The following METTL6 variants were observed in gnomAD, a reference collection of about 807,000 sequenced individuals.
METTL6 encodes methyltransferase 6, tRNA N3-cytidine.
In METTL6, 22 loss-of-function variants were observed where a neutral mutation model predicts 26.4. The observed-to-expected ratio is 0.83, with a 90% CI of 0.59 to 1.19. METTL6 has a LOEUF of 1.19. METTL6 is among the 50% of genes most tolerant of loss of function. METTL6 has a pLI of 0.00. For missense variants in METTL6, 304 were observed against 324.8 expected, an observed-to-expected ratio of 0.94 and a Z score of 0.49; for synonymous variants, 109 against 116.2, an observed-to-expected ratio of 0.94 and a Z score of 0.40.
At position 15,427,501 on chromosome 3, in the gene METTL6, A is replaced by C. The variant is rs539896651; in HGVS notation, c.-224T>G. ...GGACCACGAATTCGGATTATCCGGG[A>C]GTTCTTTTGCCATGGCACCGCCCCC... On this transcript the variant is annotated 5_prime_UTR_variant, in exon 1 of 6. Transcript: ENST00000383790. The C allele has an allele frequency of 6.0e-6, 3 of 498,552 alleles. No individual in the cohort carries two copies. The highest frequency in any genetic ancestry group is 2.0e-5 in the African/African-American group (1 of 49,896). The allele number at this position is 498,552 out of a possible 1,614,324, so 30.9% of individuals were successfully genotyped here.
intron 6 of METTL6, among the ~76,000 whole-genome samples, chr3:15,389,849 AT>A (rs58728599): frequency 0.024 from 3,241 of 132,942 alleles, 99 homozygotes; most frequent in African/African-American, 0.08. Flanking sequence ...CGCCCGGCCA[AT>A]TTTTTTTTTT....
In METTL6 at chr3:15,414,086, C is replaced by T; in HGVS notation, c.608G>A (p.Ser203Asn). Reference sequence around the variant, plus strand: ...ATAAAAGTTTTCTCCAAGTTTGCTGCTGGCTTTAAACCTAAGCATGGCATG... The same window carrying T: ...ATAAAAGTTTTCTCCAAGTTTGCTGTTGGCTTTAAACCTAAGCATGGCATG... ...YDHAMLRFKASSKLGENFYVR... is the reference protein window; with the variant it reads ...YDHAMLRFKANSKLGENFYVR... Residue 203 changes from serine (S) to asparagine (N), a missense_variant, in exon 5 of 6, where the codon AGC becomes AAC. Transcript: ENST00000383790. 1.2e-6 allele frequency: 2 copies of T among 1,614,120 alleles called. No homozygotes were observed. The highest frequency in any genetic ancestry group is 1.7e-6 in the Non-Finnish European group (2 of 1,180,018).
intron 6 of METTL6, among the ~76,000 whole-genome samples, chr3:15,389,666 C>G (rs937613022): frequency 3.3e-5 from 5 of 152,224 alleles, no homozygotes; most frequent in African/African-American, 1.2e-4. Flanking sequence ...TCTCCTGCCT[C>G]AGTCTCCTGA....
chr3:15,423,653 G>C (rs141377646), intron 3 of METTL6, among the ~76,000 whole-genome samples: 79 of 151,974 alleles, frequency 5.2e-4, no homozygotes, highest in African/African-American at 1.8e-3. Flanking sequence ...TGGGAGGATT[G>C]TTTGAGCCCA....
At chr3:15,419,185 T>TAA (rs35020972) in intron 3 of METTL6, among the ~76,000 whole-genome samples, 76 of 148,772 alleles carry the variant, frequency 5.1e-4, no homozygotes, top group Middle Eastern at 3.4e-3. Flanking sequence ...AATCCTTGTG[T>TAA]AAAAAAAAAA....
intron 6 of METTL6, among the ~76,000 whole-genome samples, chr3:15,388,925 C>T (rs2124894980): frequency 6.6e-6 from 1 of 152,294 alleles, no homozygotes; most frequent in African/African-American, 2.4e-5. Context: ...TCAGTCAGAT[C>T]TCTTTCACTG....
intron 6 of METTL6, among the ~76,000 whole-genome samples, chr3:15,394,452 C>T (rs1276658661): frequency 1.3e-5 from 2 of 152,172 alleles, no homozygotes; most frequent in African/African-American, 4.8e-5. Context: ...AAACCAGCTC[C>T]TGGATTCATT....
intron 3 of METTL6, 100 bp downstream of exon 3, chr3:15,424,855 C>T (rs1575440772): frequency 6.6e-7 from 1 of 1,519,432 alleles, no homozygotes; most frequent in East Asian, 2.3e-5. Flanking sequence ...CTGGTTAGCT[C>T]CAGGGAAGAC....
rs529058763 is a variant in METTL6, at chr3:15,392,812, T to C, written c.*12-8625A>G. On this transcript the variant is annotated intron_variant, in intron 6 of 6. Transcript: ENST00000443029. ...GTCAAAGATCAGATAGTTGTAGATATGTGGCATTATTTCTGAGGGCTCTGT... is the reference window on the plus strand; with the variant it reads ...GTCAAAGATCAGATAGTTGTAGATACGTGGCATTATTTCTGAGGGCTCTGT... Among the ~76,000 whole-genome samples, 20 of 152,334 alleles carry C rather than the reference T, an allele frequency of 1.3e-4. No homozygotes were observed. In the East Asian group the frequency reaches 2.9e-3, roughly 22 times the overall value.
Position 15,426,389 on chromosome 3 carries a change from A to G in METTL6, c.123T>C (p.Ala41=). Residue 41 remains alanine, a synonymous_variant, in exon 2 of 6, where the codon GCT becomes GCC. Coordinates refer to ENST00000383790, the MANE Select transcript of METTL6 (RefSeq NM_152396.4). The part of the protein sequence containing the change: ...DFKQQKLEQE[A]QKNWDLFYKR... ...TGTAAAAAAGATCCCAATTTTTCTGAGCCTCTTGTTCCAATTTCTGCTGTT... is the reference window on the plus strand; with the variant it reads ...TGTAAAAAAGATCCCAATTTTTCTGGGCCTCTTGTTCCAATTTCTGCTGTT... 6.2e-7 allele frequency: 1 copy of G among 1,614,222 alleles called. No homozygotes were observed. Among genetic ancestry groups the G allele is most frequent in the Non-Finnish European group, 8.5e-7 (1 of 1,180,042 alleles).
intron 3 of METTL6, among the ~76,000 whole-genome samples, chr3:15,417,693 A>T (rs112558574): frequency 4.6e-4 from 70 of 152,264 alleles, no homozygotes; most frequent in African/African-American, 1.3e-3. Context: ...GGTGACAATT[A>T]GACAAAAAGG....
downstream of METTL6, among the ~76,000 whole-genome samples, chr3:15,408,227 G>A (rs886683761): frequency 1.3e-5 from 2 of 152,160 alleles, no homozygotes; most frequent in Non-Finnish European, 2.9e-5. Flanking sequence ...AGACACAGGG[G>A]TGGCGTGGGT....
chr3:15,411,475 T>C (rs1699962151), intron 5 of METTL6, 38 bp from the exon 6 acceptor site: 7 of 1,588,746 alleles, frequency 4.4e-6, no homozygotes, highest in African/African-American at 1.4e-5. Flanking sequence ...ACAGTCTTCA[T>C]AACATTACAT....
chr3:15,397,421 C>G (rs1407368908), intron 6 of METTL6, among the ~76,000 whole-genome samples: 1 of 152,172 alleles, frequency 6.6e-6, no homozygotes, highest in Non-Finnish European at 1.5e-5. Context: ...TCCCCTGACC[C>G]CTTGTGCTTC....
intron 6 of METTL6, among the ~76,000 whole-genome samples, chr3:15,398,684 T>C (rs754006851): frequency 6.6e-5 from 10 of 152,072 alleles, no homozygotes; most frequent in Admixed American, 1.3e-4. Context: ...CACATCTCTA[T>C]TAAAAAGTAC....
chr3:15,396,358 T>G (rs554699492), intron 6 of METTL6, among the ~76,000 whole-genome samples: 30 of 152,350 alleles, frequency 2.0e-4, no homozygotes, highest in Middle Eastern at 6.8e-3. Flanking sequence ...TTTAAGGGCT[T>G]CTCTACGCTG....
rs762776430 is a variant in METTL6, at chr3:15,426,394, C to A, written c.118G>T (p.Glu40Ter). 1 of 1,614,256 alleles carries A rather than the reference C, an allele frequency of 6.2e-7. No individual in the cohort carries two copies. The highest frequency in any genetic ancestry group is 1.1e-5 in the South Asian group (1 of 91,090). The change falls in exon 2 of 6, where the codon GAG becomes TAG. Residue 40 changes from glutamate (E) to a stop codon, truncating the protein, a stop_gained. Transcript: ENST00000383790. LOFTEE classifies it high-confidence loss of function. The stretch of plus-strand genomic sequence containing the variant: ...AAAAGATCCCAATTTTTCTGAGCCT[C>A]TTGTTCCAATTTCTGCTGTTTAAAA... ...SDFKQQKLEQ[E>*]AQKNWDLFYK... is the part of the protein sequence containing the mutation.
At chr3:15,389,255 A>G (rs1404924892) in intron 6 of METTL6, among the ~76,000 whole-genome samples, 1 of 151,914 alleles carries the variant, frequency 6.6e-6, no homozygotes, top group East Asian at 1.9e-4. Context: ...TGGCTCCCCA[A>G]AGTGCTCTTT....
At chr3:15,384,327 T>A (rs1699137560) in intron 6 of METTL6, 1 of 216,250 alleles carries the variant, frequency 4.6e-6, no homozygotes, top group South Asian at 4.9e-5. Context: ...AAAAAAAATA[T>A]GAATGGAAAA....
Sources: gnomAD v4.1 joint callset for allele counts (sites outside exome capture counted in the v4.1 genomes callset) on GRCh38, gnomAD v4.1.1 for gene constraint, MANE v1.5 for transcripts, NCBI Gene and HGNC (gene_info 2026-07-23, HGNC 2026-07-21) for gene names.